The following ACSS3 variants were observed in gnomAD, a reference collection of about 807,000 sequenced individuals.
ACSS3 encodes acyl-CoA synthetase short chain family member 3, also known as acyl-CoA synthetase short-chain family member 3, mitochondrial.
A neutral mutation model predicts 84.2 loss-of-function variants in ACSS3; 64 were observed. The observed-to-expected ratio is 0.76, with a 90% CI of 0.62 to 0.94. The LOEUF (loss-of-function observed/expected upper bound fraction) is 0.94, where lower values mean the gene tolerates loss of function less well. Ranked by LOEUF, ACSS3 falls within the 40% of genes least tolerant of loss-of-function variation. The pLI is 0.00. For missense variants in ACSS3, 815 were observed against 867.6 expected (o/e 0.94, Z 0.76); for synonymous variants, 317 against 310.1 (o/e 1.02, Z -0.23).
intron 9 of ACSS3, among the ~76,000 whole-genome samples, chr12:81,212,665 G>A (rs1232429230): frequency 2.0e-5 from 3 of 152,004 alleles, no homozygotes; most frequent in South Asian, 2.1e-4. Flanking sequence ...AAAAGCACTC[G>A]ACTCTTGGTA....
In ACSS3 at chr12:81,206,932, TA is replaced by T. The variant is rs372515888; in HGVS notation, c.1354+7493del. On this transcript the variant is annotated intron_variant, in intron 9 of 15. Transcript: ENST00000548058. ...ATTTCATCTTTATAGCATTATAATGTAAAAAGAACATCATTTTTTAAAAAAT... is the reference window on the plus strand; with the variant it reads ...ATTTCATCTTTATAGCATTATAATGTAAAAGAACATCATTTTTTAAAAAAT... 5.5e-4 allele frequency among the ~76,000 whole-genome samples: 83 copies of T among 152,214 alleles called. No homozygotes were observed. In the East Asian group the frequency reaches 0.014, roughly 26 times the overall value.
At chr12:81,170,773 T>C (rs1239438315) in intron 7 of ACSS3, among the ~76,000 whole-genome samples, 1 of 152,178 alleles carries the variant, frequency 6.6e-6, no homozygotes, top group African/African-American at 2.4e-5. Context: ...AACGTCTTTT[T>C]CTTTAGGCAG....
Position 81,151,855 on chromosome 12 carries a change from G to A in ACSS3, c.933G>A (p.Arg311=), listed in dbSNP as rs1270963492. 6.2e-7 allele frequency: 1 copy of A among 1,613,450 alleles called. No homozygotes were observed. Among genetic ancestry groups the A allele is most frequent in the Admixed American group, 1.7e-5 (1 of 60,004 alleles). The change falls in exon 6 of 16, where the codon AGG becomes AGA. Residue 311 remains arginine (R), a synonymous_variant. Coordinates refer to ENST00000548058, the MANE Select transcript of ACSS3 (RefSeq NM_024560.4). The part of the protein sequence containing the change: ...GTTGLPKGVI[R]PTGGYAVMLH... ...TTTTCTCTCCTTAGGGTGTGATTAG[G>A]CCCACTGGGGGATACGCTGTCATGC...
intron 5 of ACSS3, among the ~76,000 whole-genome samples, chr12:81,145,476 G>C (rs1886297344): frequency 6.6e-6 from 1 of 152,160 alleles, no homozygotes; most frequent in African/African-American, 2.4e-5. Context: ...ATTGAACTAG[G>C]TATGAACATA....
chr12:81,139,857 G>A (rs1886006817), intron 4 of ACSS3, among the ~76,000 whole-genome samples: 1 of 151,662 alleles, frequency 6.6e-6, no homozygotes, highest in Non-Finnish European at 1.5e-5. Flanking sequence ...GGATGGTCTC[G>A]ATCTCCTGAC....
intron 7 of ACSS3, among the ~76,000 whole-genome samples, chr12:81,160,276 T>C (rs1002021805): frequency 1.3e-5 from 2 of 152,244 alleles, no homozygotes; most frequent in African/African-American, 4.8e-5. Flanking sequence ...TCACATATGG[T>C]ATACATCACA....
At chr12:81,250,627 A>G (rs1415914281) in intron 13 of ACSS3, among the ~76,000 whole-genome samples, 2 of 152,128 alleles carry the variant, frequency 1.3e-5, no homozygotes, top group Non-Finnish European at 2.9e-5. Flanking sequence ...TTAAAACTCT[A>G]GTCATATTGG....
intron 11 of ACSS3, among the ~76,000 whole-genome samples, chr12:81,222,947 G>A (rs17008286): frequency 6.6e-6 from 1 of 151,992 alleles, no homozygotes; most frequent in Non-Finnish European, 1.5e-5. Flanking sequence ...AGTTAATTTA[G>A]TAAGAAAGTT....
chr12:81,184,637 G>A (rs1022113912), intron 8 of ACSS3, among the ~76,000 whole-genome samples: 10 of 151,526 alleles, frequency 6.6e-5, no homozygotes, highest in South Asian at 2.1e-4. Flanking sequence ...GGAATATTAC[G>A]AAGAATTATA....
chr12:81,241,686 T>G (rs950933761), intron 13 of ACSS3, among the ~76,000 whole-genome samples: 28 of 152,278 alleles, frequency 1.8e-4, no homozygotes, highest in Non-Finnish European at 2.6e-4. Flanking sequence ...TGGGGTTGTT[T>G]GTTTTTTTCT....
intron 2 of ACSS3, among the ~76,000 whole-genome samples, chr12:81,111,254 C>T (rs537066266): frequency 6.6e-6 from 1 of 152,306 alleles, no homozygotes; most frequent in East Asian, 1.9e-4. Flanking sequence ...ACTAGACTCA[C>T]TGCCTTGAGT....
chr12:81,151,578 G>T, intron 5 of ACSS3: 1 of 304,246 alleles, frequency 3.3e-6, no homozygotes, highest in East Asian at 6.5e-5. Flanking sequence ...ATGTAATTTT[G>T]TGAAATCATG....
chr12:81,134,627 C>G (rs1885690793), intron 2 of ACSS3, among the ~76,000 whole-genome samples, 189 bp from the exon 3 acceptor site: 1 of 152,050 alleles, frequency 6.6e-6, no homozygotes, highest in African/African-American at 2.4e-5. Flanking sequence ...GGTTTATAAT[C>G]AATGATTATA....
intron 9 of ACSS3, among the ~76,000 whole-genome samples, chr12:81,205,851 C>T (rs538726812): frequency 3.9e-5 from 6 of 152,176 alleles, no homozygotes; most frequent in East Asian, 1.9e-4. Context: ...CTTTTTAAAA[C>T]GTTTCACAAC....
intron 8 of ACSS3, among the ~76,000 whole-genome samples, chr12:81,194,613 TA>T (rs1326628483): frequency 6.6e-6 from 1 of 151,984 alleles, no homozygotes; most frequent in Non-Finnish European, 1.5e-5. Context: ...TGTAATATTG[TA>T]CCTTTCAATT....
In ACSS3 at chr12:81,200,698, CAGA is replaced by C. The variant is rs377439148; in HGVS notation, c.1354+1255_1354+1257del. Among the ~76,000 whole-genome samples the C allele has an allele frequency of 6.6e-3, 1,001 of 151,874 alleles. 6 individuals are homozygous for C. Among genetic ancestry groups the C allele is most frequent in the African/African-American group, 0.023 (936 of 41,448 alleles). ...TGAGATCACTTGAGGTCAGGAGTTA[CAGA>C]CCAGCCTGGCCAACATGGTGAAACC... is the stretch of plus-strand genomic sequence containing the variant. On this transcript the variant is annotated intron_variant, in intron 9 of 15. Transcript: ENST00000548058.
intron 2 of ACSS3, among the ~76,000 whole-genome samples, chr12:81,118,589 T>G (rs1884266308): frequency 6.6e-6 from 1 of 152,190 alleles, no homozygotes; most frequent in Non-Finnish European, 1.5e-5. Flanking sequence ...CCACAAGTAC[T>G]CTTTCATTTC....
chr12:81,125,354 T>C (rs1437693134), intron 2 of ACSS3, among the ~76,000 whole-genome samples: 1 of 152,230 alleles, frequency 6.6e-6, no homozygotes, highest in East Asian at 1.9e-4. Flanking sequence ...CAAAACCCTC[T>C]AAAATATGCT....
intron 8 of ACSS3, among the ~76,000 whole-genome samples, chr12:81,194,346 A>T (rs936461484): frequency 6.6e-6 from 1 of 151,820 alleles, no homozygotes; most frequent in African/African-American, 2.4e-5. Flanking sequence ...GTTCCTTAGT[A>T]TTATACAATT....
Sources: allele counts gnomAD v4.1 joint callset (sites outside exome capture counted in the v4.1 genomes callset), GRCh38; gene constraint gnomAD v4.1.1; transcripts MANE v1.5; gene names NCBI Gene and HGNC (gene_info 2026-07-23, HGNC 2026-07-21).